Variants in GRIN2A observed in about 807,000 individuals in gnomAD.
GRIN2A encodes the protein glutamate receptor ionotropic, NMDA 2A.
In GRIN2A, 22 loss-of-function variants were observed where a neutral mutation model predicts 113.4. That is an observed-to-expected ratio of 0.19 (90% confidence interval 0.14 to 0.28). The LOEUF (loss-of-function observed/expected upper bound fraction) is 0.28, where lower values mean the gene tolerates loss of function less well. GRIN2A is among the 10% of genes least tolerant of loss of function. The pLI is 1.00. For synonymous variants in GRIN2A, 827 were observed against 738.4 expected, an observed-to-expected ratio of 1.12 and a Z score of -1.94; for missense variants, 1,502 against 1,887.0, an observed-to-expected ratio of 0.80 and a Z score of 3.78.
At position 9,763,099 on chromosome 16, in the gene GRIN2A, A is replaced by G. The variant is rs371635425; in HGVS notation, c.*50T>C. Reference sequence around the variant, plus strand: ...ACATCCAACATTTACCCTCCAGAACATTGGCCATTACGTATATTTCCCTAT... The same window carrying G: ...ACATCCAACATTTACCCTCCAGAACGTTGGCCATTACGTATATTTCCCTAT... On this transcript the variant is annotated 3_prime_UTR_variant, in exon 13 of 13. Transcript: ENST00000330684. 1.3e-5 allele frequency: 20 copies of G among 1,569,320 alleles called. No homozygotes were observed. The highest frequency in any genetic ancestry group is 1.8e-5 in the Non-Finnish European group (20 of 1,142,568).
chr16:10,125,631 G>GAAAA (rs79695852), intron 2 of GRIN2A, among the ~76,000 whole-genome samples: 23 of 132,048 alleles, frequency 1.7e-4, no homozygotes, highest in African/African-American at 5.4e-4. Context: ...ATGGTGGGAG[G>GAAAA]AAAAAAAAAA....
At chr16:9,835,084 A>T (rs1427045503) in intron 7 of GRIN2A, among the ~76,000 whole-genome samples, 3 of 152,250 alleles carry the variant, frequency 2.0e-5, no homozygotes, top group Non-Finnish European at 4.4e-5. Flanking sequence ...TGACAGAAAT[A>T]TTGGAAAGTT....
chr16:10,031,713 A>T (rs1329551690), intron 2 of GRIN2A: 1 of 152,278 alleles, frequency 6.6e-6, no homozygotes, highest in East Asian at 1.9e-4. Flanking sequence ...GTTCACCACC[A>T]TCCACCCTGG....
chr16:10,040,088 C>A (rs2047130320), intron 2 of GRIN2A, among the ~76,000 whole-genome samples: 1 of 145,180 alleles, frequency 6.9e-6, no homozygotes, highest in African/African-American at 2.5e-5. Flanking sequence ...ACACCACACA[C>A]ACAAATACAC....
At chr16:9,986,291 A>T (rs1049551248) in intron 2 of GRIN2A, among the ~76,000 whole-genome samples, 1 of 152,242 alleles carries the variant, frequency 6.6e-6, no homozygotes, top group Non-Finnish European at 1.5e-5. Context: ...TTAGGTGAAT[A>T]ATAAAAGTGA....
intron 4 of GRIN2A, among the ~76,000 whole-genome samples, chr16:9,870,793 A>G (rs2043246621): frequency 6.6e-6 from 1 of 152,042 alleles, no homozygotes; most frequent in Non-Finnish European, 1.5e-5. Context: ...ACACACTGCC[A>G]TGCCTGGCTA....
chr16:10,043,096 C>G (rs552960286), intron 2 of GRIN2A, among the ~76,000 whole-genome samples: 2 of 152,196 alleles, frequency 1.3e-5, no homozygotes, highest in Non-Finnish European at 2.9e-5. Context: ...ATTCAAGGAG[C>G]TACTTGTAAT....
intron 4 of GRIN2A, among the ~76,000 whole-genome samples, chr16:9,874,755 G>A (rs757255971): frequency 3.9e-5 from 6 of 151,998 alleles, no homozygotes; most frequent in Admixed American, 6.5e-5. Context: ...TGGAGGGAGG[G>A]GGCAGGAGTG....
intron 2 of GRIN2A, among the ~76,000 whole-genome samples, chr16:10,168,459 G>T (rs569057638): frequency 1.3e-5 from 2 of 152,208 alleles, no homozygotes; most frequent in African/African-American, 2.4e-5. Context: ...GATTTGAGAG[G>T]TACAGAGTGT....
intron 3 of GRIN2A, among the ~76,000 whole-genome samples, chr16:9,930,847 G>T (rs929768961): frequency 8.5e-5 from 13 of 152,308 alleles, no homozygotes; most frequent in African/African-American, 2.9e-4. Flanking sequence ...TAGAAATGAA[G>T]ATTTAAAGTA....
chr16:9,913,118 C>G (rs2044178431), intron 3 of GRIN2A, among the ~76,000 whole-genome samples: 1 of 152,218 alleles, frequency 6.6e-6, no homozygotes, highest in Non-Finnish European at 1.5e-5. Flanking sequence ...AGTTTCCTTT[C>G]ACTGAACCAC....
intron 2 of GRIN2A, among the ~76,000 whole-genome samples, chr16:10,019,479 T>C (rs894116519): frequency 3.3e-5 from 5 of 152,180 alleles, no homozygotes; most frequent in Admixed American, 6.5e-5. Flanking sequence ...GAAGCTAAAA[T>C]TGTATTTCTA....
chr16:9,940,241 T>C (rs2044839382), intron 2 of GRIN2A, among the ~76,000 whole-genome samples: 1 of 152,156 alleles, frequency 6.6e-6, no homozygotes, highest in South Asian at 2.1e-4. Flanking sequence ...TACTGCTCTT[T>C]TCTGAAATGC....
At chr16:9,951,728 C>T (rs970016254) in intron 2 of GRIN2A, among the ~76,000 whole-genome samples, 1 of 152,136 alleles carries the variant, frequency 6.6e-6, no homozygotes, top group African/African-American at 2.4e-5. Flanking sequence ...TGAATGTCAG[C>T]CTCTGAAAAG....
At chr16:9,805,024 C>T (rs1414923011) in intron 10 of GRIN2A, among the ~76,000 whole-genome samples, 2 of 152,174 alleles carry the variant, frequency 1.3e-5, no homozygotes, top group Non-Finnish European at 2.9e-5. Context: ...ACAGCTTTCA[C>T]AAGTGTGTAG....
intron 2 of GRIN2A, among the ~76,000 whole-genome samples, chr16:9,951,458 G>T (rs1249701660): frequency 6.6e-6 from 1 of 152,212 alleles, no homozygotes; most frequent in Non-Finnish European, 1.5e-5. Flanking sequence ...TTGTGTTTGT[G>T]TATGTGCGCA....
intron 2 of GRIN2A, among the ~76,000 whole-genome samples, chr16:10,108,750 C>A (rs1248221361): frequency 6.6e-6 from 1 of 152,128 alleles, no homozygotes; most frequent in Non-Finnish European, 1.5e-5. Flanking sequence ...TGGAAATTCA[C>A]CAAGCACATT....
chr16:9,758,297 C>T lies in GRIN2A; in HGVS notation c.*4852G>A, dbSNP rs1430929745. On this transcript the variant is annotated 3_prime_UTR_variant, in exon 13 of 13. Coordinates refer to ENST00000330684, the MANE Select transcript of GRIN2A (RefSeq NM_001134407.3). The stretch of plus-strand genomic sequence containing the variant: ...CTTTGATGTGTTTAAGGAAATCACA[C>T]ACAAGTCCATATCGGCATTGTCTTC... The T allele has an allele frequency of 1.8e-5, 4 of 224,404 alleles. No individual in the cohort carries two copies. In the East Asian group the frequency reaches 1.9e-4, roughly 11 times the overall value. The allele number at this position is 224,404 out of a possible 1,614,324, so 13.9% of individuals were successfully genotyped here. A position where few individuals can be genotyped will look rare whatever the true frequency, so the allele number is the denominator to read the frequency against.
intron 2 of GRIN2A, among the ~76,000 whole-genome samples, chr16:10,122,675 C>T (rs1186157298): frequency 6.6e-6 from 1 of 152,044 alleles, no homozygotes; most frequent in Non-Finnish European, 1.5e-5. Flanking sequence ...TGTAACTTGG[C>T]AAGATGAAAG....
Sources: gnomAD v4.1 joint callset for allele counts (sites outside exome capture counted in the v4.1 genomes callset) on GRCh38, gnomAD v4.1.1 for gene constraint, MANE v1.5 for transcripts, NCBI Gene and HGNC (gene_info 2026-07-23, HGNC 2026-07-21) for gene names.